The following FASN variants were observed in gnomAD, a reference collection of about 807,000 sequenced individuals.
FASN encodes 3-hydroxyacyl-[acyl-carrier-protein] dehydratase.
Under a neutral mutation model 250.0 loss-of-function variants are expected in FASN, and 50 were observed. The ratio of observed to expected loss-of-function variants is 0.20; its 90% CI spans 0.16 to 0.25. FASN has a LOEUF of 0.25. Ranked by LOEUF, FASN falls within the 10% of genes least tolerant of loss-of-function variation. The pLI is 1.00. For synonymous variants in FASN, 1,909 were observed against 1,584.0 expected, an observed-to-expected ratio of 1.21 and a Z score of -4.87; for missense variants, 3,031 against 3,498.5, an observed-to-expected ratio of 0.87 and a Z score of 3.37.
In FASN at chr17:82,084,048, C is replaced by T. The variant is rs772904535; in HGVS notation, c.5025G>A (p.Ser1675=). The change falls in exon 29 of 43, where the codon TCG becomes TCA. Residue 1675 remains serine, a synonymous_variant. Transcript: ENST00000306749. ...CGGCCTGGCCCACGCCGCCCGAGCC[C>T]GAGTGGATGAGCAGCGTCTCCCCGG... ...VRPGETLLIH[S]GSGGVGQAAI... is the part of the protein sequence containing the mutation. 2.1e-5 allele frequency: 33 copies of T among 1,545,042 alleles called. No individual in the cohort carries two copies. The African/African-American group carries it at 2.7e-4, about 13-fold the overall frequency.
At position 82,085,508 on chromosome 17, in the gene FASN, G is replaced by T. The variant is rs1227395245; in HGVS notation, c.4096C>A (p.Gln1366Lys). The T allele has an allele frequency of 5.6e-6, 9 of 1,594,878 alleles. No homozygotes were observed. Among genetic ancestry groups the T allele is most frequent in the Non-Finnish European group, 7.7e-6 (9 of 1,171,574 alleles). Residue 1366 changes from glutamine (Q) to lysine (K), a missense_variant, in exon 23 of 43, where the codon CAG becomes AAG. Coordinates refer to ENST00000306749, the MANE Select transcript of FASN (RefSeq NM_004104.5). ...TGGCTCAGGATGCCCTGGCCATACT[G>T]CGGCTCAGTGGAGGTGAGGAAGGCC... is the stretch of plus-strand genomic sequence containing the variant. ...IVAFLTSTEPQYGQGILSQDA... is the reference protein window; with the variant it reads ...IVAFLTSTEPKYGQGILSQDA...
intron 36 of FASN, 33 bp from the exon 37 acceptor site, chr17:82,081,876 G>T: frequency 6.5e-7 from 1 of 1,545,924 alleles, no homozygotes; most frequent in Non-Finnish European, 8.7e-7. Context: ...GCAGAGCTGC[G>T]GGGAGGTCGG....
At chr17:82,090,818 G>A in intron 10 of FASN, 64 bp downstream of exon 10, 2 of 1,530,166 alleles carry the variant, frequency 1.3e-6, no homozygotes, top group Non-Finnish European at 1.8e-6. Flanking sequence ...GCAGCTCCTG[G>A]GCTCCAGGGA....
In FASN at chr17:82,093,594, C is replaced by T. The variant is rs1335922483; in HGVS notation, c.454+4G>A. Reference sequence around the variant, plus strand: ...ACCTCCGCAGGAGGCTGGGCAGGACCCACCTCTGAAGTCGAAGAAGAAGGA... The same window carrying T: ...ACCTCCGCAGGAGGCTGGGCAGGACTCACCTCTGAAGTCGAAGAAGAAGGA... On this transcript the variant is annotated splice_donor_region_variant and intron_variant, in intron 4 of 42. Coordinates refer to ENST00000306749, the MANE Select transcript of FASN (RefSeq NM_004104.5). 3 of 1,612,668 alleles carry T rather than the reference C, an allele frequency of 1.9e-6. No individual in the cohort carries two copies. Among genetic ancestry groups the T allele is most frequent in the South Asian group, 1.1e-5 (1 of 91,088 alleles).
intron 3 of FASN, 30 bp downstream of exon 3, chr17:82,095,290 C>A (rs45555535): frequency 2.5e-6 from 4 of 1,610,868 alleles, no homozygotes; most frequent in Non-Finnish European, 2.5e-6. Flanking sequence ...CAGGAGCCCT[C>A]GGCGCAGCAG....
chr17:82,084,692 T>C lies in FASN; in HGVS notation c.4589A>G (p.His1530Arg). ...EEDKPEEPTAHAFVSTLTRGD... is the reference protein window; with the variant it reads ...EEDKPEEPTARAFVSTLTRGD... The stretch of plus-strand genomic sequence containing the variant: ...CCGGGTGAGGGTGCTCACAAAGGCA[T>C]GTGCCGTCGGCTCCTCAGGCTTGTC... The change falls in exon 27 of 43, where the codon CAT becomes CGT. Residue 1530 changes from histidine (H) to arginine (R), a missense_variant. Physicochemically the swap from His to Arg is conservative, Grantham distance 29. Transcript: ENST00000306749. The C allele has an allele frequency of 2.5e-6, 4 of 1,573,228 alleles. No individual in the cohort carries two copies. Among genetic ancestry groups the C allele is most frequent in the Non-Finnish European group, 3.4e-6 (4 of 1,159,650 alleles).
chr17:82,081,504 G>A, intron 37 of FASN, 97 bp downstream of exon 37: 1 of 1,592,828 alleles, frequency 6.3e-7, no homozygotes, highest in Non-Finnish European at 8.5e-7. Flanking sequence ...CTCTGCAGAT[G>A]GGGAAACTGA....
In FASN at chr17:82,091,501, T is replaced by C. The variant is rs780441119; in HGVS notation, c.1213A>G (p.Arg405Gly). 1.6e-5 allele frequency: 25 copies of C among 1,604,940 alleles called. No homozygotes were observed. The highest frequency in any genetic ancestry group is 1.7e-5 in the Non-Finnish European group (20 of 1,176,646). The change falls in exon 9 of 43, where the codon AGG becomes GGG. Residue 405 changes from arginine (R) to glycine (G), a missense_variant. By Grantham distance (125) the Arg-to-Gly change is moderately radical (BLOSUM62 -2). Coordinates refer to ENST00000306749, the MANE Select transcript of FASN (RefSeq NM_004104.5). Reference protein sequence around the residue: ...FGGSNVHIILRPNTQPPPAPA... With the variant: ...FGGSNVHIILGPNTQPPPAPA... ...GCGGGGGGCGGCTGCGTGTTGGGCC[T>C]CAGGATGATGTGCACGTTGGAGCCC...
At position 82,080,676 on chromosome 17, in the gene FASN, G is replaced by T; in HGVS notation, c.6826+16C>A. 6.4e-7 allele frequency: 1 copy of T among 1,569,038 alleles called. No individual in the cohort carries two copies. The highest frequency in any genetic ancestry group is 2.3e-5 in the East Asian group (1 of 42,890). On this transcript the variant is annotated intron_variant, in intron 39 of 42. Transcript: ENST00000306749. ...CCAGCACTGACCACCGCTTCCAGAG[G>T]AGGGCCCGGGAGTACCTCGGGTGCA...
intron 22 of FASN, 104 bp from the exon 23 acceptor site, chr17:82,085,975 C>T: frequency 7.3e-7 from 1 of 1,367,150 alleles, no homozygotes; most frequent in Non-Finnish European, 9.7e-7. Context: ...AAAGGCTTCC[C>T]CGTCAACCTG....
At position 82,091,352 on chromosome 17, in the gene FASN, C is replaced by A. The variant is rs1339269387; in HGVS notation, c.1362G>T (p.Leu454=). The A allele has an allele frequency of 6.2e-7, 1 of 1,611,002 alleles. No individual in the cohort carries two copies. Among genetic ancestry groups the A allele is most frequent in the East Asian group, 2.2e-5 (1 of 44,824 alleles). Residue 454 remains leucine (L), a synonymous_variant, in exon 9 of 43, where the codon CTG becomes CTT. Coordinates refer to ENST00000306749, the MANE Select transcript of FASN (RefSeq NM_004104.5). ...HSQDLAFLSM[L]NDIAAVPATA... ...TGGCGGGGACAGCCGCGATGTCGTT[C>A]AGCATGCTCAGGAAAGCCAGGTCCT...
Position 82,083,495 on chromosome 17 carries a change from G to A in FASN, c.5341+22C>T, listed in dbSNP as rs148721678. ...CCCACACCCATCCATGCCCACCCCCGCCCAGGCGCTGCCGGCCTCACCGAG... is the reference window on the plus strand; with the variant it reads ...CCCACACCCATCCATGCCCACCCCCACCCAGGCGCTGCCGGCCTCACCGAG... On this transcript the variant is annotated intron_variant, in intron 31 of 42. Transcript: ENST00000306749. 1,321 of 1,612,688 alleles carry A rather than the reference G, an allele frequency of 8.2e-4. No individual in the cohort carries two copies. The highest frequency in any genetic ancestry group is 1.2e-3 in the Admixed American group (71 of 60,018).
intron 11 of FASN, 129 bp downstream of exon 11, chr17:82,090,245 CT>C: frequency 1.1e-6 from 1 of 887,216 alleles, no homozygotes. Context: ...TGTGTCCGAG[CT>C]GGGTGTCCCC....
At chr17:82,094,030 G>A in intron 3 of FASN, 1 of 564,068 alleles carries the variant, frequency 1.8e-6, no homozygotes, top group Admixed American at 3.0e-5. Context: ...CGAGGCGGAG[G>A]GGGCAGGCGG....
rs566134569 is a variant in FASN, at chr17:82,093,221, G to A, written c.653C>T (p.Ala218Val). The change falls in exon 5 of 43, where the codon GCG becomes GTG. Residue 218 changes from alanine to valine, a missense_variant and splice_region_variant. Ala to Val is a moderately conservative substitution (Grantham distance 64). Coordinates refer to ENST00000306749, the MANE Select transcript of FASN (RefSeq NM_004104.5). ...TGGCCGCGCAGCCGCACACTCACCC[G>A]CTGTGTCGAAGGCCTTGCAGGTGCC... ...PEGTCKAFDT[A>V]GNGYCRSEGV... 6.0e-5 allele frequency: 95 copies of A among 1,577,854 alleles called. No homozygotes were observed. The South Asian group carries it at 6.2e-4, about 10-fold the overall frequency.
At chr17:82,096,195 C>T (rs2034299299) in intron 2 of FASN, 124 bp downstream of exon 2, 2 of 1,487,576 alleles carry the variant, frequency 1.3e-6, no homozygotes, top group African/African-American at 1.4e-5. Context: ...GGCTCTGCAG[C>T]TGGGACCGGC....
rs1598578584 is a variant in FASN, at chr17:82,087,367, T to C, written c.3181A>G (p.Thr1061Ala). 6.2e-7 allele frequency: 1 copy of C among 1,612,402 alleles called. No individual in the cohort carries two copies. The change falls in exon 20 of 43, where the codon ACC becomes GCC. Residue 1061 changes from threonine to alanine, a missense_variant. Thr to Ala is a moderately conservative substitution (Grantham distance 58). Transcript: ENST00000306749. ...AGTGTGTACAGCTTCTGCCTGTGGG[T>C]GGCAGGGTCGATGTGGATGGCGGTG... is the stretch of plus-strand genomic sequence containing the variant. Reference protein sequence around the residue: ...RVTAIHIDPATHRQKLYTLQD... With the variant: ...RVTAIHIDPAAHRQKLYTLQD...
Position 82,098,159 on chromosome 17 carries a change from C to CGAGGCTGGAGCGCGGCGGAGCGG in FASN, c.-69_-47dup, listed in dbSNP as rs2034335749. On this transcript the variant is annotated 5_prime_UTR_variant, in exon 1 of 43. Transcript: ENST00000306749. Reference sequence around the variant, plus strand: ...GGGCGGCGGTGCGGGCGGCGGAGAGCGAGGCTGGAGCGCGGCGGAGCGGGA... The same window carrying CGAGGCTGGAGCGCGGCGGAGCGG: ...GGGCGGCGGTGCGGGCGGCGGAGAGCGAGGCTGGAGCGCGGCGGAGCGGGAGGCTGGAGCGCGGCGGAGCGGGA... 8.4e-6 allele frequency: 3 copies of CGAGGCTGGAGCGCGGCGGAGCGG among 357,288 alleles called. No individual in the cohort carries two copies. Among genetic ancestry groups the CGAGGCTGGAGCGCGGCGGAGCGG allele is most frequent in the Non-Finnish European group, 1.5e-5 (3 of 199,452 alleles). The allele number at this position is 357,288 out of a possible 1,614,324, so 22.1% of individuals were successfully genotyped here.
At chr17:82,092,420 G>C in intron 8 of FASN, 35 bp downstream of exon 8, 1 of 1,551,356 alleles carries the variant, frequency 6.4e-7, no homozygotes, top group Admixed American at 1.9e-5. Flanking sequence ...CAGGGAGCAG[G>C]AGCCTGAGGG....
Sources: allele counts gnomAD v4.1 joint callset, GRCh38; gene constraint gnomAD v4.1.1; transcripts MANE v1.5; gene names NCBI Gene and HGNC (gene_info 2026-07-23, HGNC 2026-07-21).